NLRP5: variants seen among roughly 807,000 people sequenced by gnomAD.
NLRP5 encodes the protein NACHT, LRR and PYD domains-containing protein 5.
In NLRP5, 93 loss-of-function variants were observed where a neutral mutation model predicts 113.1. That is an observed-to-expected ratio of 0.82 (90% CI 0.70 to 0.98). The LOEUF is 0.98. Ranked by LOEUF, NLRP5 falls within the 50% of genes least tolerant of loss-of-function variation. The pLI is 0.00. For synonymous variants in NLRP5, 751 were observed against 600.7 expected (o/e 1.25, Z -3.66); for missense variants, 1,808 against 1,514.3 (o/e 1.19, Z -3.22).
chr19:56,003,151 G>A (rs1981720554), intron 1 of NLRP5, among the ~76,000 whole-genome samples: 1 of 147,762 alleles, frequency 6.8e-6, no homozygotes, highest in Non-Finnish European at 1.5e-5. Context: ...AAAGACACAT[G>A]CCAGTGGTTT....
chr19:56,053,533 G>T (rs192451723), intron 12 of NLRP5, 105 bp from the exon 13 acceptor site: 1 of 1,023,634 alleles, frequency 9.8e-7, no homozygotes, highest in Non-Finnish European at 1.4e-6. Context: ...ACAGTGGCCC[G>T]TCAGGAAGGA....
Position 56,005,513 on chromosome 19 carries a change from T to A in NLRP5, c.442+1418T>A, listed in dbSNP as rs1276023087. Among the ~76,000 whole-genome samples, 36 of 148,864 alleles carry A rather than the reference T, an allele frequency of 2.4e-4. 2 individuals carry two copies. The highest frequency in any genetic ancestry group is 4.4e-5 in the Non-Finnish European group (3 of 67,688). On this transcript the variant is annotated intron_variant, in intron 2 of 14. Coordinates refer to ENST00000390649, the MANE Select transcript of NLRP5 (RefSeq NM_153447.4). ...CGCAGGTGGCATGCCTGTACACATA[T>A]ATATTTATACACACACACGCACACA...
At chr19:56,043,652 G>A (rs1381353669) in intron 11 of NLRP5, among the ~76,000 whole-genome samples, 2 of 140,350 alleles carry the variant, frequency 1.4e-5, no homozygotes, top group Admixed American at 7.7e-5. Context: ...TGCAAGCTCT[G>A]CCTCCTGGGT....
intron 2 of NLRP5, among the ~76,000 whole-genome samples, chr19:56,006,194 A>G (rs1035781630): frequency 6.6e-6 from 1 of 152,082 alleles, no homozygotes; most frequent in African/African-American, 2.4e-5. Flanking sequence ...CAAACACCGC[A>G]TGTTGTCACT....
intron 1 of NLRP5, among the ~76,000 whole-genome samples, chr19:56,000,193 A>G (rs1039372538): frequency 6.6e-6 from 1 of 151,542 alleles, no homozygotes; most frequent in Non-Finnish European, 1.5e-5. Flanking sequence ...CGCTCTTCTC[A>G]ATGACAGTTG....
upstream of NLRP5, among the ~76,000 whole-genome samples, chr19:55,997,246 G>T (rs377516189): frequency 9.7e-4 from 148 of 151,996 alleles, no homozygotes; most frequent in African/African-American, 3.4e-3. Flanking sequence ...CTTGATGATC[G>T]TGTGGTTTTT....
intron 13 of NLRP5, among the ~76,000 whole-genome samples, chr19:56,054,713 C>T (rs1432611421): frequency 6.6e-6 from 1 of 151,860 alleles, no homozygotes; most frequent in East Asian, 1.9e-4. Context: ...CAAGTTCGTA[C>T]ATAAAGTAGA....
intron 6 of NLRP5, among the ~76,000 whole-genome samples, chr19:56,024,602 C>CACACACAT (rs1555766974): frequency 2.7e-5 from 4 of 150,118 alleles, no homozygotes; most frequent in African/African-American, 9.8e-5. Flanking sequence ...CACACACACA[C>CACACACAT]ATGAAATTAG....
intron 7 of NLRP5, among the ~76,000 whole-genome samples, chr19:56,031,138 G>C (rs978454758): frequency 2.6e-5 from 4 of 152,092 alleles, no homozygotes; most frequent in African/African-American, 9.7e-5. Context: ...CCAGTGGACG[G>C]GAGACTAATT....
At position 56,042,068 on chromosome 19, in the gene NLRP5, C is replaced by T. The variant is rs939367297; in HGVS notation, c.2957+976C>T. Among the ~76,000 whole-genome samples, 7 of 152,156 alleles carry T rather than the reference C, an allele frequency of 4.6e-5. No homozygotes were observed. The South Asian group carries it at 6.2e-4, about 14-fold the overall frequency. On this transcript the variant is annotated intron_variant, in intron 11 of 14. Coordinates refer to ENST00000390649, the MANE Select transcript of NLRP5 (RefSeq NM_153447.4). ...GGAGAGCTGAAATCAGTTCAGCCTCCACTGGGAGCAACGTGTGTCTGGAGA... is the reference window on the plus strand; with the variant it reads ...GGAGAGCTGAAATCAGTTCAGCCTCTACTGGGAGCAACGTGTGTCTGGAGA...
intron 7 of NLRP5, among the ~76,000 whole-genome samples, chr19:56,031,663 A>G (rs1983121256): frequency 6.6e-6 from 1 of 151,180 alleles, no homozygotes; most frequent in Admixed American, 6.6e-5. Context: ...CTCATGCAGC[A>G]TTTTGCAGTA....
Position 56,028,314 on chromosome 19 carries a change from C to T in NLRP5, c.2081C>T (p.Thr694Ile), listed in dbSNP as rs1235069213. The T allele has an allele frequency of 6.2e-7, 1 of 1,613,884 alleles. No individual in the cohort carries two copies. The highest frequency in any genetic ancestry group is 1.1e-5 in the South Asian group (1 of 91,086). The change falls in exon 7 of 15, where the codon ACT (threonine) becomes ATT (isoleucine). Residue 694 changes from threonine to isoleucine, a missense_variant. Physicochemically the swap from Thr to Ile is moderately conservative, Grantham distance 89 (BLOSUM62 -1). Transcript: ENST00000390649. ...GACGCCTTCCACTGTCTTTTCGAGA[C>T]TCAAGACAAAGAGTTTGTTCGCTTG...
chr19:55,995,579 T>C (rs920140637), upstream of NLRP5, among the ~76,000 whole-genome samples: 16 of 152,186 alleles, frequency 1.1e-4, no homozygotes, highest in Non-Finnish European at 2.1e-4. Flanking sequence ...TTGGGATCTT[T>C]TGTGGTTCTA....
At chr19:56,019,930 A>G (rs1335414289) in intron 5 of NLRP5, among the ~76,000 whole-genome samples, 2 of 150,670 alleles carry the variant, frequency 1.3e-5, no homozygotes, top group African/African-American at 4.9e-5. Flanking sequence ...TCTGCCTCCC[A>G]GGTTCAAGCG....
At chr19:56,015,115 C>T (rs1982353856) in intron 3 of NLRP5, among the ~76,000 whole-genome samples, 1 of 152,116 alleles carries the variant, frequency 6.6e-6, no homozygotes, top group South Asian at 2.1e-4. Flanking sequence ...GGATACAAGT[C>T]TCTCATTTCA....
rs369728236 is a variant in NLRP5, at chr19:56,026,964, C to G, written c.731C>G (p.Ala244Gly). The G allele has an allele frequency of 5.2e-5, 80 of 1,551,596 alleles. No homozygotes were observed. The highest frequency in any genetic ancestry group is 6.6e-5 in the Non-Finnish European group (76 of 1,147,000). The change falls in exon 7 of 15, where the codon GCT becomes GGT. Residue 244 changes from alanine to glycine, a missense_variant. Transcript: ENST00000390649. The stretch of plus-strand genomic sequence containing the variant: ...AAGAGTCACGTGATGACCAAATTCG[C>G]TGAGGAGGAGGATGTACGTCGTAGT...
intron 3 of NLRP5, among the ~76,000 whole-genome samples, chr19:56,010,895 T>C (rs1982163172): frequency 6.6e-6 from 1 of 152,020 alleles, no homozygotes; most frequent in South Asian, 2.1e-4. Flanking sequence ...CTCATACCTG[T>C]AATCCCAGCA....
intron 2 of NLRP5, among the ~76,000 whole-genome samples, chr19:56,006,523 G>A (rs1433398652): frequency 6.6e-6 from 1 of 151,940 alleles, no homozygotes; most frequent in African/African-American, 2.4e-5. Context: ...TTTGAGGTCA[G>A]GAGTTTGAGA....
chr19:56,057,153 C>A (rs868298319), intron 13 of NLRP5, among the ~76,000 whole-genome samples: 1 of 152,122 alleles, frequency 6.6e-6, no homozygotes, highest in Admixed American at 6.6e-5. Flanking sequence ...TGGATTTTTT[C>A]TTTTTCAATC....
Sources: allele counts gnomAD v4.1 joint callset (sites outside exome capture counted in the v4.1 genomes callset), GRCh38; gene constraint gnomAD v4.1.1; transcripts MANE v1.5; gene names NCBI Gene and HGNC (gene_info 2026-07-23, HGNC 2026-07-21).